Variants in GPHN observed in about 807,000 individuals in gnomAD.
GPHN encodes the protein gephyrin.
GPHN carries 17 observed loss-of-function variants against 95.5 expected under a neutral mutation model. The ratio of observed to expected loss-of-function variants is 0.18; its 90% CI spans 0.12 to 0.27. The LOEUF (loss-of-function observed/expected upper bound fraction) is 0.27. Ranked by LOEUF, GPHN falls within the 10% of genes least tolerant of loss-of-function variation. The pLI, the probability that GPHN is intolerant of heterozygous loss-of-function variation, is 1.00. For missense variants in GPHN, 660 were observed against 978.1 expected, an observed-to-expected ratio of 0.67 and a Z score of 4.34; for synonymous variants, 320 against 322.5, an observed-to-expected ratio of 0.99 and a Z score of 0.08.
the GPHN span, chr14:67,221,874 T>C: frequency 5.0e-6 from 8 of 1,584,986 alleles, no homozygotes; most frequent in Admixed American, 1.8e-5. Flanking sequence ...CTCTGGTTCC[T>C]AGAAGAGTAG....
the GPHN span, among the ~76,000 whole-genome samples, chr14:67,257,847 C>T: frequency 2.0e-5 from 3 of 152,088 alleles, no homozygotes; most frequent in Admixed American, 2.0e-4. Context: ...AAAATACACA[C>T]ATAATTTTGT....
chr14:67,437,578 C>T, the GPHN span, among the ~76,000 whole-genome samples: 1 of 151,930 alleles, frequency 6.6e-6, no homozygotes, highest in African/African-American at 2.4e-5. Context: ...TGCGGGCAGC[C>T]GTGGGAGGAA....
At chr14:67,158,990 G>A (rs1265198446) in intron 18 of GPHN, among the ~76,000 whole-genome samples, 6 of 151,554 alleles carry the variant, frequency 4.0e-5, no homozygotes, top group East Asian at 1.9e-4. Flanking sequence ...TTTCTTGCCC[G>A]GGTACAACTT....
intron 4 of GPHN, among the ~76,000 whole-genome samples, chr14:66,835,221 A>G (rs1454160661): frequency 6.8e-6 from 1 of 146,674 alleles, no homozygotes; most frequent in African/African-American, 2.5e-5. Context: ...TGGATTCATT[A>G]ATTTTTTGAA....
At chr14:67,714,522 C>G in the GPHN span, 1 of 155,004 alleles carries the variant, frequency 6.5e-6, no homozygotes, top group Non-Finnish European at 1.4e-5. Flanking sequence ...GAAGGAACTG[C>G]CGTCTTCCAG....
the GPHN span, chr14:67,515,152 C>G: frequency 6.6e-6 from 1 of 152,442 alleles, no homozygotes; most frequent in African/African-American, 2.4e-5. Flanking sequence ...GCAGGTGCGG[C>G]TAGGAGCGCC....
chr14:67,678,724 C>CTAA, the GPHN span, among the ~76,000 whole-genome samples: 1 of 152,008 alleles, frequency 6.6e-6, no homozygotes, highest in Non-Finnish European at 1.5e-5. Flanking sequence ...TGCCTGACAC[C>CTAA]CATGTATATC....
chr14:67,222,304 G>GT, the GPHN span, among the ~76,000 whole-genome samples: 2 of 152,096 alleles, frequency 1.3e-5, no homozygotes, highest in Non-Finnish European at 2.9e-5. Context: ...GTTTGTTGTT[G>GT]TTTTTTGTGA....
chr14:67,291,352 C>T, the GPHN span, among the ~76,000 whole-genome samples: 1,672 of 151,958 alleles, frequency 0.011, 19 homozygotes, highest in Middle Eastern at 0.017. Context: ...TCTCGCCTCC[C>T]GAGTAGCTGG....
At chr14:66,767,649 T>C (rs1233323438) in intron 2 of GPHN, among the ~76,000 whole-genome samples, 1 of 151,882 alleles carries the variant, frequency 6.6e-6, no homozygotes, top group Admixed American at 6.6e-5. Context: ...CATAGAGTAA[T>C]TGCTTTCAGA....
chr14:67,132,467 T>C (rs1038750469), intron 17 of GPHN, among the ~76,000 whole-genome samples: 2 of 152,166 alleles, frequency 1.3e-5, no homozygotes, highest in African/African-American at 4.8e-5. Flanking sequence ...TTTATTTTCT[T>C]CTTTTTTTTT....
chr14:66,702,979 T>G (rs2068701777), intron 2 of GPHN, among the ~76,000 whole-genome samples: 1 of 152,024 alleles, frequency 6.6e-6, no homozygotes, highest in Non-Finnish European at 1.5e-5. Flanking sequence ...AAACACAGCA[T>G]GAGAACTTCA....
the GPHN span, chr14:67,663,295 C>A: frequency 2.7e-6 from 2 of 741,484 alleles, no homozygotes; most frequent in Non-Finnish European, 4.2e-6. Context: ...GGTTTTCCAT[C>A]TAAAATATGA....
At chr14:66,603,313 T>G (rs1242990557) in intron 1 of GPHN, among the ~76,000 whole-genome samples, 1 of 151,774 alleles carries the variant, frequency 6.6e-6, no homozygotes, top group South Asian at 2.1e-4. Flanking sequence ...ATTTTCAGGG[T>G]TTTTTTGTGT....
At chr14:67,193,544 T>G in the GPHN span, among the ~76,000 whole-genome samples, 1 of 141,894 alleles carries the variant, frequency 7.0e-6, no homozygotes, top group Non-Finnish European at 1.5e-5. Flanking sequence ...TAGAAATATA[T>G]ATCTATATAT....
At chr14:67,030,052 C>T (rs1299417449) in intron 10 of GPHN, among the ~76,000 whole-genome samples, 1 of 144,744 alleles carries the variant, frequency 6.9e-6, no homozygotes, top group Non-Finnish European at 1.5e-5. Flanking sequence ...TCTCATAGAT[C>T]TTCCATTCAC....
the GPHN span, among the ~76,000 whole-genome samples, chr14:67,584,492 A>G: frequency 1.3e-5 from 2 of 152,236 alleles, no homozygotes; most frequent in East Asian, 1.9e-4. Flanking sequence ...AGGGGAATCA[A>G]ATTACTTAGC....
At chr14:67,711,718 T>C in the GPHN span, among the ~76,000 whole-genome samples, 2 of 152,192 alleles carry the variant, frequency 1.3e-5, no homozygotes, top group Non-Finnish European at 2.9e-5. Context: ...TAGGCAGTTC[T>C]CAGCTAAATA....
chr14:67,640,978 G>A, the GPHN span, among the ~76,000 whole-genome samples: 1 of 152,092 alleles, frequency 6.6e-6, no homozygotes, highest in Non-Finnish European at 1.5e-5. Context: ...TGAACACACT[G>A]TATTAATGGT....
Sources: allele counts gnomAD v4.1 joint callset (sites outside exome capture counted in the v4.1 genomes callset), GRCh38; gene constraint gnomAD v4.1.1; transcripts MANE v1.5; gene names NCBI Gene and HGNC (gene_info 2026-07-23, HGNC 2026-07-21).